The following AFDN variants were observed in gnomAD, a reference collection of about 807,000 sequenced individuals.
AFDN encodes the protein afadin.
Under a neutral mutation model 216.6 loss-of-function variants are expected in AFDN, and 68 were observed. The observed-to-expected ratio is 0.31, with a 90% CI of 0.26 to 0.38. The LOEUF (loss-of-function observed/expected upper bound fraction) is 0.38. Ranked by LOEUF, AFDN falls within the 10% of genes least tolerant of loss-of-function variation. AFDN has a pLI of 1.00. For synonymous variants in AFDN, 868 were observed against 853.7 expected (o/e 1.02, Z -0.29); for missense variants, 2,136 against 2,342.0 (o/e 0.91, Z 1.82).
intron 1 of AFDN, among the ~76,000 whole-genome samples, chr6:167,849,538 T>C (rs150842718): frequency 3.9e-5 from 6 of 152,330 alleles, no homozygotes; most frequent in Non-Finnish European, 8.8e-5. Context: ...ACTTTACACA[T>C]CTTACCATAT....
intron 1 of AFDN, among the ~76,000 whole-genome samples, chr6:167,844,974 C>G (rs1294232822): frequency 6.6e-6 from 1 of 151,094 alleles, no homozygotes; most frequent in African/African-American, 2.4e-5. Context: ...ATTCTCACGT[C>G]TCAGCCTCCT....
At chr6:167,932,678 A>G (rs1317856367) in intron 23 of AFDN, 1 of 152,088 alleles carries the variant, frequency 6.6e-6, no homozygotes, top group East Asian at 1.9e-4. Context: ...AGAGAAGTAG[A>G]CGGTTGATTT....
chr6:167,885,680 A>G (rs1399279191), intron 6 of AFDN, among the ~76,000 whole-genome samples: 1 of 152,266 alleles, frequency 6.6e-6, no homozygotes, highest in African/African-American at 2.4e-5. Context: ...GAATTAACAC[A>G]ATGTACACAC....
Position 167,962,473 on chromosome 6 carries a change from A to C in AFDN, c.4874A>C (p.Glu1625Ala), listed in dbSNP as rs771067828. ...EERRRQQQLEEMRKREAEDRA... is the reference protein window; with the variant it reads ...EERRRQQQLEAMRKREAEDRA... ...CGGAGGCGGCAGCAGCAGTTAGAAG[A>C]GATGCGCAAGCGGGAAGCGGAAGAC... is the stretch of plus-strand genomic sequence containing the variant. Residue 1625 changes from glutamate (E) to alanine (A), a missense_variant, in exon 31 of 34, where the codon GAG (glutamate) becomes GCG (alanine). Physicochemically the swap from Glu to Ala is moderately radical, Grantham distance 107 (BLOSUM62 -1). Transcript: ENST00000683244. This position sits in a 1 kb window ranked among gnomAD's most constrained non-coding sequence, Gnocchi z 5.2. 4.6e-5 allele frequency: 75 copies of C among 1,613,744 alleles called. No individual in the cohort carries two copies. The highest frequency in any genetic ancestry group is 6.3e-5 in the Non-Finnish European group (74 of 1,179,742).
chr6:167,902,503 C>T, intron 12 of AFDN, 117 bp downstream of exon 12: 1 of 709,814 alleles, frequency 1.4e-6, no homozygotes, highest in South Asian at 1.8e-5. Flanking sequence ...CCAAGACCAC[C>T]AGTCAATGTC....
intron 1 of AFDN, among the ~76,000 whole-genome samples, chr6:167,841,095 T>TGA (rs1241756187): frequency 6.6e-6 from 1 of 152,168 alleles, no homozygotes; most frequent in Non-Finnish European, 1.5e-5. Flanking sequence ...ATTTGGAGAC[T>TGA]GACGAGGAGA....
intron 10 of AFDN, 44 bp downstream of exon 10, chr6:167,897,016 G>A: frequency 1.7e-6 from 2 of 1,150,570 alleles, no homozygotes; most frequent in South Asian, 1.2e-5. Flanking sequence ...CATTCCAGGA[G>A]GCATAACGTA....
At chr6:167,898,134 G>A in intron 10 of AFDN, 71 bp from the exon 11 acceptor site, 1 of 1,551,252 alleles carries the variant, frequency 6.4e-7, no homozygotes, top group Non-Finnish European at 8.8e-7. Flanking sequence ...GGTACTCACG[G>A]TTTTAACATT....
At chr6:167,898,183 T>C (rs1193044211) in intron 10 of AFDN, 22 bp from the exon 11 acceptor site, 2 of 1,610,724 alleles carry the variant, frequency 1.2e-6, no homozygotes, top group African/African-American at 2.7e-5. Flanking sequence ...TGGGAGTTTC[T>C]TTGGTTTCCT....
chr6:167,957,017 C>T (rs112731298), intron 30 of AFDN, among the ~76,000 whole-genome samples: 54 of 152,362 alleles, frequency 3.5e-4, no homozygotes, highest in Non-Finnish European at 5.7e-4. Flanking sequence ...GTCTCATCTC[C>T]TCTTCACACC....
intron 1 of AFDN, among the ~76,000 whole-genome samples, chr6:167,846,361 A>G (rs1288595931): frequency 2.0e-5 from 3 of 152,170 alleles, no homozygotes; most frequent in South Asian, 2.1e-4. Context: ...TATGACTACA[A>G]AAATACTAAA....
At chr6:167,950,318 GAGT>G (rs1795820343) in intron 29 of AFDN, among the ~76,000 whole-genome samples, 1 of 152,130 alleles carries the variant, frequency 6.6e-6, no homozygotes, top group Admixed American at 6.5e-5. Flanking sequence ...ATGTTTATCT[GAGT>G]AGACTCCTTT....
intron 30 of AFDN, among the ~76,000 whole-genome samples, chr6:167,957,341 C>T (rs1287944240): frequency 1.3e-5 from 2 of 152,228 alleles, no homozygotes; most frequent in African/African-American, 4.8e-5. Flanking sequence ...TCCATGGGAA[C>T]AGTGACCTTT....
chr6:167,871,686 G>A (rs1393071580), intron 3 of AFDN, among the ~76,000 whole-genome samples: 1 of 152,214 alleles, frequency 6.6e-6, no homozygotes, highest in African/African-American at 2.4e-5. Flanking sequence ...AACGAAGTTA[G>A]AGATTTTTGC....
At chr6:167,894,602 C>G (rs1788006179) in intron 9 of AFDN, among the ~76,000 whole-genome samples, 1 of 152,126 alleles carries the variant, frequency 6.6e-6, no homozygotes, top group South Asian at 2.1e-4. Flanking sequence ...CATTTAGGTT[C>G]TTCAAAATCT....
intron 30 of AFDN, among the ~76,000 whole-genome samples, chr6:167,952,840 A>G (rs750891665): frequency 6.6e-6 from 1 of 152,262 alleles, no homozygotes; most frequent in Non-Finnish European, 1.5e-5. Flanking sequence ...TTGTTAAGGT[A>G]ATAAACAATT....
chr6:167,909,827 C>T (rs1332098116), intron 13 of AFDN, among the ~76,000 whole-genome samples: 2 of 152,174 alleles, frequency 1.3e-5, no homozygotes, highest in Non-Finnish European at 2.9e-5. Context: ...TTCCCTGGCT[C>T]TTACTGTCAA....
At chr6:167,833,753 A>C (rs890168233) in intron 1 of AFDN, among the ~76,000 whole-genome samples, 30 of 152,192 alleles carry the variant, frequency 2.0e-4, no homozygotes, top group African/African-American at 7.2e-4. Context: ...AAGTAGAGAA[A>C]ATGAAATGGG....
chr6:167,883,505 A>G (rs149258033), intron 6 of AFDN, among the ~76,000 whole-genome samples: 89 of 152,346 alleles, frequency 5.8e-4, no homozygotes, highest in African/African-American at 2.1e-3. Flanking sequence ...AGGTATATAC[A>G]GGCACACCTC....
Sources: allele counts gnomAD v4.1 joint callset (sites outside exome capture counted in the v4.1 genomes callset), GRCh38; gene constraint gnomAD v4.1.1; non-coding constraint Gnocchi (gnomAD v3.1); transcripts MANE v1.5; gene names NCBI Gene and HGNC (gene_info 2026-07-23, HGNC 2026-07-21).